Variants in MARCHF4 observed in about 807,000 individuals in gnomAD.
MARCHF4 encodes E3 ubiquitin-protein ligase MARCHF4.
Under a neutral mutation model 43.9 loss-of-function variants are expected in MARCHF4, and 14 were observed. The ratio of observed to expected loss-of-function variants is 0.32; its 90% CI spans 0.21 to 0.50. The LOEUF is 0.50. Ranked by LOEUF, MARCHF4 falls within the 20% of genes least tolerant of loss-of-function variation. MARCHF4 has a pLI of 0.98. For synonymous variants in MARCHF4, 226 were observed against 213.3 expected (o/e 1.06, Z -0.52); for missense variants, 468 against 536.7 (o/e 0.87, Z 1.27).
intron 1 of MARCHF4, among the ~76,000 whole-genome samples, chr2:216,349,777 G>C (rs535993697): frequency 3.3e-5 from 5 of 152,172 alleles, no homozygotes; most frequent in Non-Finnish European, 5.9e-5. Context: ...AAGGCTGGAG[G>C]CTCGACCAAA....
intron 1 of MARCHF4, among the ~76,000 whole-genome samples, chr2:216,297,233 G>C: frequency 6.6e-6 from 1 of 152,122 alleles, no homozygotes; most frequent in South Asian, 2.1e-4. Flanking sequence ...TCTAGAGCTG[G>C]GAAGGGCCTG....
intron 1 of MARCHF4, among the ~76,000 whole-genome samples, chr2:216,289,159 G>T (rs371602616): frequency 1.3e-5 from 2 of 151,306 alleles, no homozygotes; most frequent in South Asian, 2.1e-4. Context: ...TCACTGCAAG[G>T]CTTACTGCAA....
chr2:216,306,905 T>C (rs1426414495), intron 1 of MARCHF4, among the ~76,000 whole-genome samples: 1 of 152,146 alleles, frequency 6.6e-6, no homozygotes, highest in East Asian at 1.9e-4. Context: ...GTATACTGTG[T>C]TCACTGGCTG....
At chr2:216,312,007 T>C (rs1022484131) in intron 1 of MARCHF4, among the ~76,000 whole-genome samples, 3 of 152,248 alleles carry the variant, frequency 2.0e-5, no homozygotes, top group African/African-American at 4.8e-5. Flanking sequence ...GATTCAAGAA[T>C]ACATACGCAT....
rs1692726202 is a variant in MARCHF4 at position 216,369,853 on chromosome 2, T to C, written c.408A>G (p.Ser136=). 4 of 1,614,078 alleles carry C rather than the reference T, an allele frequency of 2.5e-6. No individual in the cohort carries two copies. Among genetic ancestry groups the C allele is most frequent in the Non-Finnish European group, 3.4e-6 (4 of 1,180,030 alleles). The part of the protein sequence containing the change: ...PPASLLSSAS[S]DDFCKEKTED... ...CGGTCTTCTCCTTACAGAAGTCATC[T>C]GAGGAGGCACTGCTGAGCAGCGAGG... Residue 136 remains serine, a synonymous_variant, in exon 1 of 4, where the codon TCA becomes TCG. Coordinates refer to ENST00000273067, the MANE Select transcript of MARCHF4 (RefSeq NM_020814.3).
At chr2:216,331,415 C>A (rs529148478) in intron 1 of MARCHF4, among the ~76,000 whole-genome samples, 1 of 151,996 alleles carries the variant, frequency 6.6e-6, no homozygotes, top group South Asian at 2.1e-4. Flanking sequence ...ATGAATTATC[C>A]CAAATATTTC....
intron 3 of MARCHF4, among the ~76,000 whole-genome samples, chr2:216,270,539 C>A (rs934458325): frequency 6.6e-6 from 1 of 152,090 alleles, no homozygotes; most frequent in Non-Finnish European, 1.5e-5. Context: ...GACAAAAAAA[C>A]CTCTTCTTAG....
chr2:216,261,768 T>A (rs1219057855), intron 3 of MARCHF4, among the ~76,000 whole-genome samples: 3 of 152,068 alleles, frequency 2.0e-5, no homozygotes, highest in African/African-American at 7.2e-5. Context: ...TGAGACCTCT[T>A]AGGGAAGAGA....
intron 1 of MARCHF4, among the ~76,000 whole-genome samples, chr2:216,351,165 G>T (rs556962586): frequency 6.6e-6 from 1 of 152,306 alleles, no homozygotes; most frequent in East Asian, 1.9e-4. Flanking sequence ...TTTATTCAGA[G>T]TGAATAGTTT....
chr2:216,263,487 GAGAGAA>G (rs1438027877), intron 3 of MARCHF4, among the ~76,000 whole-genome samples: 6 of 113,292 alleles, frequency 5.3e-5, no homozygotes, highest in Non-Finnish European at 8.1e-5. Context: ...GAAAGAAGGA[GAGAGAA>G]AGAGAGAGAG....
chr2:216,340,072 C>G (rs76816233), intron 1 of MARCHF4, among the ~76,000 whole-genome samples: 1,590 of 152,224 alleles, frequency 0.01, 13 homozygotes, highest in Middle Eastern at 0.02. Context: ...TTTCCCAAAC[C>G]TCCCCTGCAG....
intron 1 of MARCHF4, among the ~76,000 whole-genome samples, chr2:216,302,851 T>C (rs1013381358): frequency 5.5e-5 from 7 of 128,304 alleles, no homozygotes; most frequent in African/African-American, 2.3e-4. Context: ...TGAGCCAAGA[T>C]AGCACCACTG....
intron 1 of MARCHF4, among the ~76,000 whole-genome samples, chr2:216,319,303 A>C (rs1365182254): frequency 1.3e-5 from 2 of 152,152 alleles, no homozygotes; most frequent in Admixed American, 1.3e-4. Flanking sequence ...GTGAGATTCC[A>C]TCTAAAACAA....
In MARCHF4 at chr2:216,259,279, G is replaced by A. The variant is rs1690701241; in HGVS notation, c.*33C>T. On this transcript the variant is annotated 3_prime_UTR_variant, in exon 4 of 4. Coordinates refer to ENST00000273067, the MANE Select transcript of MARCHF4 (RefSeq NM_020814.3). ...CCCCACCCTGCTCCGGGCCCTCAGT[G>A]GTGGTCATGGCCTTCCTTCCGGGCC... 3.3e-6 allele frequency: 5 copies of A among 1,512,404 alleles called. No individual in the cohort carries two copies. The highest frequency in any genetic ancestry group is 2.3e-5 in the East Asian group (1 of 43,880). 93.7% of individuals were successfully genotyped at this position (1,512,404 alleles called of 1,614,324 possible).
chr2:216,258,595 A>T lies in MARCHF4; in HGVS notation c.*717T>A, dbSNP rs1690689947. 6.6e-6 allele frequency: 1 copy of T among 152,432 alleles called. No homozygotes were observed. The highest frequency in any genetic ancestry group is 1.5e-5 in the Non-Finnish European group (1 of 68,140). 9.4% of individuals were successfully genotyped at this position (152,432 alleles called of 1,614,324 possible). A position where few individuals can be genotyped will look rare whatever the true frequency, so the allele number is the denominator to read the frequency against. ...CACTATAAAATAAATTAACAAGGGC[A>T]CAGAAGGACACCCTTTTCCAAACCT... On this transcript the variant is annotated 3_prime_UTR_variant, in exon 4 of 4. Transcript: ENST00000273067.
chr2:216,301,639 C>T (rs995482181), intron 1 of MARCHF4, among the ~76,000 whole-genome samples: 3 of 152,130 alleles, frequency 2.0e-5, no homozygotes, highest in Non-Finnish European at 4.4e-5. Context: ...ATGAGTATGT[C>T]CTTTCTGCCA....
chr2:216,363,159 A>T (rs2105985643), intron 1 of MARCHF4, among the ~76,000 whole-genome samples: 1 of 152,316 alleles, frequency 6.6e-6, no homozygotes, highest in South Asian at 2.1e-4. Flanking sequence ...TCCATATTTC[A>T]TAACTTCCTG....
intron 1 of MARCHF4, among the ~76,000 whole-genome samples, chr2:216,350,777 TGAC>T (rs1268824157): frequency 1.3e-5 from 2 of 152,214 alleles, no homozygotes; most frequent in African/African-American, 4.8e-5. Flanking sequence ...TGGTTTTTTA[TGAC>T]AATCATTTGC....
chr2:216,338,732 T>G (rs113563290), intron 1 of MARCHF4, among the ~76,000 whole-genome samples: 4 of 152,108 alleles, frequency 2.6e-5, no homozygotes, highest in Non-Finnish European at 5.9e-5. Context: ...CTGACCCATA[T>G]AGTCACACAG....
Sources: allele counts gnomAD v4.1 joint callset (sites outside exome capture counted in the v4.1 genomes callset), GRCh38; gene constraint gnomAD v4.1.1; transcripts MANE v1.5; gene names NCBI Gene and HGNC (gene_info 2026-07-23, HGNC 2026-07-21).